Variants in HMBOX1 observed in about 807,000 individuals in gnomAD.
HMBOX1 encodes homeobox containing 1.
Under a neutral mutation model 54.5 loss-of-function variants are expected in HMBOX1, and 14 were observed. That is an observed-to-expected ratio of 0.26 (90% CI 0.17 to 0.40). HMBOX1 has a LOEUF of 0.40. Ranked by LOEUF, HMBOX1 falls within the 10% of genes least tolerant of loss-of-function variation. HMBOX1 has a pLI of 1.00. For missense variants in HMBOX1, 332 were observed against 514.4 expected (o/e 0.65, Z 3.43); for synonymous variants, 160 against 181.0 (o/e 0.88, Z 0.93).
intron 1 of HMBOX1, among the ~76,000 whole-genome samples, chr8:28,897,302 G>T (rs559181343): frequency 6.6e-6 from 1 of 151,510 alleles, no homozygotes; most frequent in Admixed American, 6.6e-5. Flanking sequence ...TTTAAATGAG[G>T]AATTATAATA....
chr8:29,043,378 G>A (rs1805122896), intron 6 of HMBOX1, among the ~76,000 whole-genome samples: 1 of 152,148 alleles, frequency 6.6e-6, no homozygotes, highest in East Asian at 1.9e-4. Context: ...GCCTTTCCAG[G>A]CTCCTGCCAA....
Position 29,051,469 on chromosome 8 carries a change from T to A in HMBOX1, c.*314T>A, listed in dbSNP as rs1206008868. The A allele has an allele frequency of 7.2e-6, 5 of 696,342 alleles. No individual in the cohort carries two copies. The highest frequency in any genetic ancestry group is 2.0e-5 in the Admixed American group (1 of 49,888). 43.1% of individuals were successfully genotyped at this position (696,342 alleles called of 1,614,324 possible). A position where few individuals can be genotyped will look rare whatever the true frequency, so the allele number is the denominator to read the frequency against. On this transcript the variant is annotated 3_prime_UTR_variant, in exon 10 of 10. Transcript: ENST00000287701. Reference sequence around the variant, plus strand: ...TCCAGGTATTTAGATAGCCCTCAGTTCTCAAATATTAGACTACGTGTAAAA... The same window carrying A: ...TCCAGGTATTTAGATAGCCCTCAGTACTCAAATATTAGACTACGTGTAAAA...
At chr8:28,907,742 G>A (rs1276010529) in intron 1 of HMBOX1, among the ~76,000 whole-genome samples, 1 of 152,096 alleles carries the variant, frequency 6.6e-6, no homozygotes. Context: ...GATCTCTTGA[G>A]TATATGTGTA....
intron 3 of HMBOX1, among the ~76,000 whole-genome samples, chr8:28,974,045 C>T (rs561972939): frequency 5.3e-5 from 8 of 151,916 alleles, no homozygotes; most frequent in Non-Finnish European, 1.2e-4. Context: ...AACTCCTGGC[C>T]TCAAGTGATC....
At chr8:29,015,978 T>C (rs1419651498) in intron 5 of HMBOX1, among the ~76,000 whole-genome samples, 2 of 152,262 alleles carry the variant, frequency 1.3e-5, no homozygotes, top group Admixed American at 1.3e-4. Context: ...TAAAGCATTA[T>C]ATGATGACAA....
At position 29,018,805 on chromosome 8, in the gene HMBOX1, C is replaced by T. The variant is rs750044205; in HGVS notation, c.743C>T (p.Pro248Leu). 6.2e-7 allele frequency: 1 copy of T among 1,614,144 alleles called. No homozygotes were observed. Among genetic ancestry groups the T allele is most frequent in the Admixed American group, 1.7e-5 (1 of 60,022 alleles). ...MRPAPIPIED[P>L]EWRQTPPPVS... is the part of the protein sequence containing the mutation. ...CCAGCCCCCATTCCAATAGAGGACC[C>T]TGAATGGAGACAAACGCCTCCCCCA... is the stretch of plus-strand genomic sequence containing the variant. Residue 248 changes from proline to leucine, a missense_variant, in exon 6 of 10, where the codon CCT becomes CTT. Around this residue, in one of 4 missense-constraint regions of HMBOX1, gnomAD observed 117 missense variants for 220.0 expected, o/e 0.53. Coordinates refer to ENST00000287701, the MANE Select transcript of HMBOX1 (RefSeq NM_001135726.3).
chr8:29,002,002 G>A (rs1261506632), intron 4 of HMBOX1, among the ~76,000 whole-genome samples: 1 of 152,180 alleles, frequency 6.6e-6, no homozygotes, highest in African/African-American at 2.4e-5. Context: ...TTAGTTATCT[G>A]TTGCAACATT....
intron 4 of HMBOX1, among the ~76,000 whole-genome samples, chr8:28,998,808 A>G (rs1410040443): frequency 1.3e-5 from 2 of 151,928 alleles, no homozygotes; most frequent in Admixed American, 6.6e-5. Flanking sequence ...TTTTCGAGCT[A>G]TTTTCTCAGT....
At chr8:28,915,360 A>T (rs1175347375) in intron 1 of HMBOX1, among the ~76,000 whole-genome samples, 3 of 151,932 alleles carry the variant, frequency 2.0e-5, no homozygotes. Flanking sequence ...GATGGAGACC[A>T]TCCTGGCTAA....
At position 29,052,185 on chromosome 8, in the gene HMBOX1, C is replaced by G. The variant is rs556939580; in HGVS notation, c.*1030C>G. The G allele has an allele frequency of 7.2e-5, 11 of 153,082 alleles. No homozygotes were observed. The South Asian group carries it at 2.0e-3, about 29-fold the overall frequency. 9.5% of individuals were successfully genotyped at this position (153,082 alleles called of 1,614,324 possible). On this transcript the variant is annotated 3_prime_UTR_variant, in exon 10 of 10. Transcript: ENST00000287701. ...TCCATTAAACGGAAGCCCCCTCACT[C>G]TGAGAGGTCACTAGAGGACTTCATA...
At chr8:29,022,910 C>T (rs1002478972) in intron 6 of HMBOX1, among the ~76,000 whole-genome samples, 1 of 151,252 alleles carries the variant, frequency 6.6e-6, no homozygotes, top group African/African-American at 2.4e-5. Context: ...TAAAAAATAA[C>T]TAAAATTAAA....
chr8:28,982,814 G>A (rs558969084), intron 4 of HMBOX1, among the ~76,000 whole-genome samples: 1 of 152,136 alleles, frequency 6.6e-6, no homozygotes, highest in African/African-American at 2.4e-5. Context: ...GTGGTAGGCG[G>A]GGTTTCACCA....
intron 1 of HMBOX1, among the ~76,000 whole-genome samples, chr8:28,927,121 A>T (rs1228383220): frequency 1.3e-5 from 2 of 152,200 alleles, no homozygotes; most frequent in African/African-American, 4.8e-5. Flanking sequence ...TGTACATTTT[A>T]AAATAAGAGT....
intron 4 of HMBOX1, among the ~76,000 whole-genome samples, chr8:29,007,381 A>T (rs1350107925): frequency 6.6e-6 from 1 of 152,190 alleles, no homozygotes; most frequent in Non-Finnish European, 1.5e-5. Flanking sequence ...AATTATCCAG[A>T]ATAATTTGCA....
chr8:28,953,988 T>C (rs1032162411), intron 1 of HMBOX1, among the ~76,000 whole-genome samples: 3 of 152,216 alleles, frequency 2.0e-5, no homozygotes, highest in African/African-American at 7.2e-5. Flanking sequence ...TCAGTAGCAC[T>C]GAGAGTTTAG....
chr8:29,038,893 C>G (rs1196867129), intron 6 of HMBOX1, among the ~76,000 whole-genome samples: 19 of 152,116 alleles, frequency 1.2e-4, no homozygotes, highest in Non-Finnish European at 2.8e-4. Context: ...CTTTCACAAC[C>G]CCCTGTCATA....
intron 5 of HMBOX1, chr8:29,009,580 A>G: frequency 1.2e-6 from 1 of 826,116 alleles, no homozygotes; most frequent in Non-Finnish European, 1.4e-6. Context: ...TAAATTTAAT[A>G]TTTTTATTTA....
chr8:28,911,567 A>G (rs1031690224), intron 1 of HMBOX1, among the ~76,000 whole-genome samples: 8 of 152,112 alleles, frequency 5.3e-5, no homozygotes, highest in African/African-American at 1.4e-4. Context: ...CATTGGCCAG[A>G]CTGATCTTGA....
At chr8:28,936,873 T>TA (rs891765755) in intron 1 of HMBOX1, among the ~76,000 whole-genome samples, 37 of 147,486 alleles carry the variant, frequency 2.5e-4, no homozygotes, top group Admixed American at 8.8e-4. Flanking sequence ...CAAGAAAGAT[T>TA]AAAAAAAAAA....
Sources: gnomAD v4.1 joint callset for allele counts (sites outside exome capture counted in the v4.1 genomes callset) on GRCh38, gnomAD v4.1.1 for gene constraint, gnomAD v4.1.1 regional missense constraint, MANE v1.5 for transcripts, NCBI Gene and HGNC (gene_info 2026-07-23, HGNC 2026-07-21) for gene names.